ASCC3: variants seen among roughly 807,000 people sequenced by gnomAD.
ASCC3 encodes activating signal cointegrator 1 complex subunit 3.
A neutral mutation model predicts 256.3 loss-of-function variants in ASCC3; 158 were observed. The ratio of observed to expected loss-of-function variants is 0.62; its 90% confidence interval spans 0.54 to 0.70. The LOEUF is 0.70. Among genes scored for constraint, ASCC3 ranks in the 30% least tolerant of loss-of-function variants. The probability of loss-of-function intolerance (pLI) is 0.00; values close to 1 mark genes in which losing one functional copy is unlikely to be tolerated. For missense variants in ASCC3, 2,259 were observed against 2,626.0 expected (o/e 0.86, Z 3.05); for synonymous variants, 948 against 883.4 (o/e 1.07, Z -1.30).
At chr6:100,721,190 C>A (rs1779311964) in intron 11 of ASCC3, among the ~76,000 whole-genome samples, 1 of 151,438 alleles carries the variant, frequency 6.6e-6, no homozygotes, top group Admixed American at 6.6e-5. Context: ...ACAGTAAAAT[C>A]CCTTGTAATC....
chr6:100,522,827 G>C (rs576078379), intron 37 of ASCC3, among the ~76,000 whole-genome samples: 1 of 151,436 alleles, frequency 6.6e-6, no homozygotes, highest in South Asian at 2.1e-4. Flanking sequence ...GCCTAAGGTT[G>C]CATAGCTCTG....
chr6:100,620,670 G>A (rs529516514), intron 30 of ASCC3, among the ~76,000 whole-genome samples: 6 of 152,100 alleles, frequency 3.9e-5, no homozygotes, highest in African/African-American at 7.2e-5. Context: ...CATAGTTGCC[G>A]GGATAACTGC....
At chr6:100,745,057 G>A (rs562015017) in intron 10 of ASCC3, among the ~76,000 whole-genome samples, 3 of 152,284 alleles carry the variant, frequency 2.0e-5, no homozygotes, top group African/African-American at 2.4e-5. Flanking sequence ...GGCCAGGTGC[G>A]GGGGCTCACG....
intron 4 of ASCC3, among the ~76,000 whole-genome samples, chr6:100,845,589 T>A (rs1051328891): frequency 6.6e-6 from 1 of 152,180 alleles, no homozygotes; most frequent in Non-Finnish European, 1.5e-5. Flanking sequence ...AATGAAGTCA[T>A]GCACATAAAG....
chr6:100,826,410 C>T (rs554431773), intron 4 of ASCC3, among the ~76,000 whole-genome samples: 88 of 152,240 alleles, frequency 5.8e-4, no homozygotes, highest in African/African-American at 1.8e-3. Flanking sequence ...GTATTACAGG[C>T]GTGAGCCACT....
chr6:100,845,034 C>A (rs956543475), intron 4 of ASCC3, among the ~76,000 whole-genome samples: 6 of 152,098 alleles, frequency 3.9e-5, no homozygotes, highest in Non-Finnish European at 7.4e-5. Flanking sequence ...AGGAAAAGAT[C>A]TTGTTTCTAA....
chr6:100,772,853 C>A (rs566787984), intron 8 of ASCC3, among the ~76,000 whole-genome samples: 7 of 152,224 alleles, frequency 4.6e-5, no homozygotes, highest in African/African-American at 1.7e-4. Context: ...GCAAGTATGA[C>A]CCGCAGGTAA....
At chr6:100,595,308 CATAAT>C (rs902933501) in intron 34 of ASCC3, among the ~76,000 whole-genome samples, 3 of 152,076 alleles carry the variant, frequency 2.0e-5, no homozygotes, top group South Asian at 4.1e-4. Flanking sequence ...CATTGTACAC[CATAAT>C]ATAATTATCA....
At position 100,650,730 on chromosome 6, in the gene ASCC3, T is replaced by C; in HGVS notation, c.3076-16A>G. 1.9e-6 allele frequency: 3 copies of C among 1,595,658 alleles called. No homozygotes were observed. The highest frequency in any genetic ancestry group is 2.2e-5 in the South Asian group (2 of 90,462). On this transcript the variant is annotated splice_polypyrimidine_tract_variant and intron_variant, in intron 19 of 41. Coordinates refer to ENST00000369162, the MANE Select transcript of ASCC3 (RefSeq NM_006828.4). ...CTTCTCTGACCTAGAAGAATCAATG[T>C]ATTTATTGGAATTTTGGGGCTGATT...
intron 3 of ASCC3, among the ~76,000 whole-genome samples, chr6:100,861,631 G>A (rs1773230837): frequency 1.3e-5 from 2 of 152,182 alleles, no homozygotes; most frequent in African/African-American, 4.8e-5. Flanking sequence ...CTGAAGCACA[G>A]CATTTAAAAA....
chr6:100,826,859 T>C (rs550289296), intron 4 of ASCC3, among the ~76,000 whole-genome samples: 2 of 152,352 alleles, frequency 1.3e-5, no homozygotes, highest in African/African-American at 2.4e-5. Flanking sequence ...CTTTCTTCTG[T>C]CATTTAGATA....
At position 100,512,834 on chromosome 6, in the gene ASCC3, T is replaced by A; in HGVS notation, c.6160A>T (p.Asn2054Tyr). ...GTCAGAGTTGAGACAGAGAGTTCAT[T>A]ATGTCCTTCAACTAAGTCATCCCAC... ...GSWDDLVEGH[N>Y]ELSVSTLTAD... The change falls in exon 40 of 42, where the codon AAT becomes TAT. Residue 2054 changes from asparagine (N) to tyrosine (Y), a missense_variant. By Grantham distance (143) the Asn-to-Tyr change is moderately radical (BLOSUM62 -2). Transcript: ENST00000369162. 6.2e-7 allele frequency: 1 copy of A among 1,614,090 alleles called. No individual in the cohort carries two copies. The highest frequency in any genetic ancestry group is 1.3e-5 in the African/African-American group (1 of 75,032).
intron 1 of ASCC3, among the ~76,000 whole-genome samples, chr6:100,878,312 A>G (rs1048205306): frequency 6.6e-6 from 1 of 152,202 alleles, no homozygotes; most frequent in Non-Finnish European, 1.5e-5. Context: ...TCCTCTAACT[A>G]GGTTTCCCAT....
At chr6:100,617,188 A>T (rs1315394064) in intron 30 of ASCC3, among the ~76,000 whole-genome samples, 2 of 151,862 alleles carry the variant, frequency 1.3e-5, no homozygotes, top group Non-Finnish European at 1.5e-5. Context: ...TATTTTTTTT[A>T]GTAGAGATGG....
At chr6:100,608,043 TAC>T (rs1270477681) in intron 30 of ASCC3, among the ~76,000 whole-genome samples, 1 of 85,932 alleles carries the variant, frequency 1.2e-5, no homozygotes, top group Non-Finnish European at 2.6e-5. Flanking sequence ...TATATATACA[TAC>T]ATATACATAT....
At chr6:100,842,736 C>T (rs934281838) in intron 4 of ASCC3, among the ~76,000 whole-genome samples, 5 of 152,008 alleles carry the variant, frequency 3.3e-5, no homozygotes, top group Admixed American at 2.6e-4. Context: ...TTCAGGAGGC[C>T]GTGGTGAGAG....
chr6:100,844,227 T>A (rs1772284910), intron 4 of ASCC3, among the ~76,000 whole-genome samples: 1 of 150,546 alleles, frequency 6.6e-6, no homozygotes, highest in African/African-American at 2.4e-5. Flanking sequence ...TACCACTCTT[T>A]TGCTTTGTGA....
chr6:100,853,407 T>C (rs1274998048), intron 3 of ASCC3, among the ~76,000 whole-genome samples: 3 of 149,164 alleles, frequency 2.0e-5, no homozygotes, highest in Admixed American at 6.9e-5. Flanking sequence ...GCATCCATAA[T>C]TGATAAATAT....
rs778722460 is a variant in ASCC3 at position 100,512,774 on chromosome 6, A to G, written c.6220T>C (p.Leu2074=). The G allele has an allele frequency of 3.1e-6, 5 of 1,614,122 alleles. No individual in the cohort carries two copies. The highest frequency in any genetic ancestry group is 2.2e-5 in the East Asian group (1 of 44,870). ...AGCACATACTCTTGGTCAGCATGCA[A>G]TTTGATCCATTTGTTGTCATCTCGT... The part of the protein sequence containing the change: ...DKRDDNKWIK[L]HADQEYVLQV... Residue 2074 remains leucine, a synonymous_variant, in exon 40 of 42, where the codon TTG becomes CTG. Coordinates refer to ENST00000369162, the MANE Select transcript of ASCC3 (RefSeq NM_006828.4).
Sources: allele counts gnomAD v4.1 joint callset (sites outside exome capture counted in the v4.1 genomes callset), GRCh38; gene constraint gnomAD v4.1.1; transcripts MANE v1.5; gene names NCBI Gene and HGNC (gene_info 2026-07-23, HGNC 2026-07-21).